Variants in SNX7 observed in about 807,000 individuals in gnomAD.
The protein encoded by SNX7 is sorting nexin-7.
A neutral mutation model predicts 48.4 loss-of-function variants in SNX7; 35 were observed. That is an observed-to-expected ratio of 0.72 (90% confidence interval 0.55 to 0.96). The LOEUF (loss-of-function observed/expected upper bound fraction) is 0.96, where lower values mean the gene tolerates loss of function less well. Among genes scored for constraint, SNX7 ranks in the 40% least tolerant of loss-of-function variants. The pLI, the probability that SNX7 is intolerant of heterozygous loss-of-function variation, is 0.00. For synonymous variants in SNX7, 190 were observed against 190.2 expected, an observed-to-expected ratio of 1.00 and a Z score of 0.01; for missense variants, 553 against 548.9, an observed-to-expected ratio of 1.01 and a Z score of -0.07.
chr1:98,693,183 T>TGGAG (rs1651242597), intron 4 of SNX7, among the ~76,000 whole-genome samples: 1 of 151,972 alleles, frequency 6.6e-6, no homozygotes, highest in African/African-American at 2.4e-5. Context: ...GATGGATGGA[T>TGGAG]GGATGGATGG....
intron 8 of SNX7, among the ~76,000 whole-genome samples, chr1:98,752,571 T>C (rs17118932): frequency 0.024 from 3,687 of 152,068 alleles, 157 homozygotes; most frequent in African/African-American, 0.085. Context: ...AATATTTACA[T>C]GTTTGGAGAG....
rs143738586 is a variant in SNX7 at position 98,691,914 on chromosome 1, T to TATACACAC, written c.639+216_639+217insTACACACA. Among the ~76,000 whole-genome samples the TATACACAC allele has an allele frequency of 4.7e-3, 623 of 133,512 alleles. 1 individual carries two copies. The highest frequency in any genetic ancestry group is 8.2e-3 in the South Asian group (31 of 3,778). The allele number at this position is 133,512 out of a possible 152,430, so 87.6% of individuals were successfully genotyped here. A position where few individuals can be genotyped will look rare whatever the true frequency, so the allele number is the denominator to read the frequency against. ...AAATCTTGTATCTTCTCCATATATATACACACACACACACACACACACACT... is the reference window on the plus strand; with the variant it reads ...AAATCTTGTATCTTCTCCATATATATATACACACACACACACACACACACACACACACT... On this transcript the variant is annotated intron_variant, in intron 4 of 8. Coordinates refer to ENST00000306121, the MANE Select transcript of SNX7 (RefSeq NM_015976.5).
At chr1:98,746,436 T>G (rs1654311857) in intron 8 of SNX7, among the ~76,000 whole-genome samples, 1 of 152,114 alleles carries the variant, frequency 6.6e-6, no homozygotes, top group South Asian at 2.1e-4. Flanking sequence ...TAGCCTGTTT[T>G]AAGTTTCTAA....
At chr1:98,702,117 T>A (rs1336921414) in intron 7 of SNX7, among the ~76,000 whole-genome samples, 5 of 152,160 alleles carry the variant, frequency 3.3e-5, no homozygotes, top group Non-Finnish European at 5.9e-5. Context: ...TCTGCCTTTC[T>A]GACTTATGTC....
chr1:98,701,860 C>T lies in SNX7; in HGVS notation c.1082C>T (p.Ser361Phe), dbSNP rs1651767079. ...GACCAAATACAAGCAGAACTGGATTCCAAAGTTGAAGTTTTGACCTATAAA... is the reference window on the plus strand; with the variant it reads ...GACCAAATACAAGCAGAACTGGATTTCAAAGTTGAAGTTTTGACCTATAAA... ...RRDQIQAELD[S>F]KVEVLTYKKA... The change falls in exon 7 of 9, where the codon TCC becomes TTC. Residue 361 changes from serine to phenylalanine, a missense_variant. By Grantham distance (155) the Ser-to-Phe change is radical. Coordinates refer to ENST00000306121, the MANE Select transcript of SNX7 (RefSeq NM_015976.5). The T allele has an allele frequency of 6.2e-7, 1 of 1,610,970 alleles. No individual in the cohort carries two copies. The highest frequency in any genetic ancestry group is 8.5e-7 in the Non-Finnish European group (1 of 1,178,382).
intron 1 of SNX7, among the ~76,000 whole-genome samples, chr1:98,682,695 CT>C (rs1036077003): frequency 1.3e-5 from 2 of 152,074 alleles, no homozygotes; most frequent in African/African-American, 4.8e-5. Flanking sequence ...TTTCTTAAAT[CT>C]TTAGGGAATT....
At chr1:98,675,351 G>A (rs1384280712) in intron 1 of SNX7, among the ~76,000 whole-genome samples, 1 of 152,090 alleles carries the variant, frequency 6.6e-6, no homozygotes, top group African/African-American at 2.4e-5. Flanking sequence ...TTTTAAGAAT[G>A]CTTTTGAGTG....
intron 1 of SNX7, 114 bp from the exon 2 acceptor site, chr1:98,684,771 A>G (rs1338572877): frequency 2.9e-5 from 21 of 735,744 alleles, no homozygotes; most frequent in African/African-American, 5.4e-5. Flanking sequence ...CATTTAACTA[A>G]AAGTCCAATA....
At chr1:98,721,679 A>G (rs937971042) in intron 7 of SNX7, among the ~76,000 whole-genome samples, 1 of 152,144 alleles carries the variant, frequency 6.6e-6, no homozygotes, top group African/African-American at 2.4e-5. Context: ...AAAATATTTA[A>G]TAACAGAAAA....
At chr1:98,724,699 G>A (rs1044512464) in intron 7 of SNX7, among the ~76,000 whole-genome samples, 2 of 151,872 alleles carry the variant, frequency 1.3e-5, no homozygotes, top group African/African-American at 4.9e-5. Flanking sequence ...AGTCAACATG[G>A]GTGGCTCTTT....
chr1:98,671,697 T>C (rs1393546737), intron 1 of SNX7, among the ~76,000 whole-genome samples: 1 of 152,148 alleles, frequency 6.6e-6, no homozygotes, highest in Admixed American at 6.5e-5. Context: ...TAATCTCTGT[T>C]TTCTCTCTGT....
chr1:98,670,355 C>T (rs1448844918), intron 1 of SNX7, among the ~76,000 whole-genome samples: 1 of 152,020 alleles, frequency 6.6e-6, no homozygotes, highest in East Asian at 1.9e-4. Context: ...TAGTGGAAGC[C>T]AACTCTGGCA....
At chr1:98,718,217 C>T (rs1463414490) in intron 7 of SNX7, among the ~76,000 whole-genome samples, 1 of 152,048 alleles carries the variant, frequency 6.6e-6, no homozygotes, top group African/African-American at 2.4e-5. Flanking sequence ...TTTAAATTAA[C>T]TTTAGGTCAA....
chr1:98,705,051 A>G (rs1443070310), intron 7 of SNX7, among the ~76,000 whole-genome samples: 1 of 152,148 alleles, frequency 6.6e-6, no homozygotes, highest in Non-Finnish European at 1.5e-5. Context: ...CAATAATGGC[A>G]TTACAGTTAC....
intron 2 of SNX7, among the ~76,000 whole-genome samples, chr1:98,688,758 G>T (rs904681933): frequency 8.5e-5 from 13 of 152,100 alleles, no homozygotes; most frequent in Admixed American, 8.5e-4. Flanking sequence ...TGCTTCCATA[G>T]AAAACTGTAT....
intron 7 of SNX7, among the ~76,000 whole-genome samples, chr1:98,729,531 AAAAG>A (rs916489811): frequency 2.6e-5 from 4 of 151,892 alleles, no homozygotes; most frequent in African/African-American, 9.6e-5. Flanking sequence ...AGTAATGAAG[AAAAG>A]AGAGAAGAAT....
intron 5 of SNX7, among the ~76,000 whole-genome samples, chr1:98,696,491 A>G (rs1199008298): frequency 6.6e-6 from 1 of 152,038 alleles, no homozygotes; most frequent in Non-Finnish European, 1.5e-5. Context: ...AAATTTGTTC[A>G]GTGATTGAAA....
intron 7 of SNX7, among the ~76,000 whole-genome samples, chr1:98,706,454 G>A (rs1465845002): frequency 3.9e-5 from 6 of 152,144 alleles, no homozygotes; most frequent in African/African-American, 1.4e-4. Context: ...TAAAAGAGTT[G>A]TGGGAAATGA....
In SNX7 at chr1:98,663,252, G is replaced by GTTTTTTTTTTTTTTTTTTTTTT. The variant is rs1491348958; in HGVS notation, c.180+1341_180+1342insTTTTTTTTTTTTTTTTTTTTTT. ...ATCAGAATCATCAGGGTTTCTTTCT[G>GTTTTTTTTTTTTTTTTTTTTTT]GTTTTTTTTTTTTTTTTTTTTTTTT... is the stretch of plus-strand genomic sequence containing the variant. On this transcript the variant is annotated intron_variant, in intron 1 of 8. Coordinates refer to ENST00000306121, the MANE Select transcript of SNX7 (RefSeq NM_015976.5). Among the ~76,000 whole-genome samples, 11 of 83,184 alleles carry GTTTTTTTTTTTTTTTTTTTTTT rather than the reference G, an allele frequency of 1.3e-4. 4 individuals are homozygous for GTTTTTTTTTTTTTTTTTTTTTT. The highest frequency in any genetic ancestry group is 2.5e-4 in the Admixed American group (2 of 8,004). 54.6% of individuals were successfully genotyped at this position (83,184 alleles called of 152,430 possible). A position where few individuals can be genotyped will look rare whatever the true frequency, so the allele number is the denominator to read the frequency against.
Sources: gnomAD v4.1 joint callset for allele counts (sites outside exome capture counted in the v4.1 genomes callset) on GRCh38, gnomAD v4.1.1 for gene constraint, MANE v1.5 for transcripts, NCBI Gene and HGNC (gene_info 2026-07-23, HGNC 2026-07-21) for gene names.